The following WSCD2 variants were observed in gnomAD, a reference collection of about 807,000 sequenced individuals.
The protein encoded by WSCD2 is WSC domain sialate O sulfotransferase 2.
WSCD2 carries 28 observed loss-of-function variants against 55.7 expected under a neutral mutation model. That is an observed-to-expected ratio of 0.50 (90% CI 0.37 to 0.69). WSCD2 has a LOEUF of 0.69. Ranked by LOEUF, WSCD2 falls within the 30% of genes least tolerant of loss-of-function variation. The pLI is 0.00. For synonymous variants in WSCD2, 301 were observed against 301.9 expected, an observed-to-expected ratio of 1.00 and a Z score of 0.03; for missense variants, 616 against 762.1, an observed-to-expected ratio of 0.81 and a Z score of 2.26.
At chr12:108,135,137 C>T (rs999688886) in intron 1 of WSCD2, among the ~76,000 whole-genome samples, 4 of 151,944 alleles carry the variant, frequency 2.6e-5, no homozygotes, top group African/African-American at 4.9e-5. Flanking sequence ...TCCATCCGTC[C>T]GTCCATCCGT....
intron 1 of WSCD2, among the ~76,000 whole-genome samples, chr12:108,147,906 C>T (rs1357992029): frequency 6.6e-6 from 1 of 152,060 alleles, no homozygotes; most frequent in Admixed American, 6.5e-5. Flanking sequence ...CTCTTTCTCT[C>T]CTACCCTACA....
intron 1 of WSCD2, among the ~76,000 whole-genome samples, chr12:108,171,300 G>A (rs17040265): frequency 0.06 from 8,839 of 148,046 alleles, 823 homozygotes; most frequent in African/African-American, 0.2. Flanking sequence ...AGGACAGTAA[G>A]TTTTCCAGGG....
chr12:108,209,537 C>T (rs757220017), intron 3 of WSCD2, among the ~76,000 whole-genome samples: 12 of 151,990 alleles, frequency 7.9e-5, no homozygotes, highest in South Asian at 4.1e-4. Context: ...TGAATATGGA[C>T]ATGGTGTGTC....
intron 4 of WSCD2, 54 bp from the exon 5 acceptor site, chr12:108,224,685 A>C (rs1225423611): frequency 4.4e-6 from 7 of 1,573,982 alleles, no homozygotes; most frequent in Non-Finnish European, 6.0e-6. Flanking sequence ...GGTTTTCCCA[A>C]CCAGATCTGA....
chr12:108,143,990 T>C (rs1877131298), intron 1 of WSCD2, among the ~76,000 whole-genome samples: 1 of 151,898 alleles, frequency 6.6e-6, no homozygotes, highest in African/African-American at 2.4e-5. Context: ...GGGCACAGCT[T>C]CTCCCAGCCC....
rs1431489520 is a variant in WSCD2, at chr12:108,196,102, A to T, written c.270A>T (p.Gly90=). 2 of 1,613,860 alleles carry T rather than the reference A, an allele frequency of 1.2e-6. No individual in the cohort carries two copies. Among genetic ancestry groups the T allele is most frequent in the Non-Finnish European group, 1.7e-6 (2 of 1,179,982 alleles). Residue 90 remains glycine (G), a synonymous_variant, in exon 2 of 9, where the codon GGA becomes GGT. Transcript: ENST00000547525. ...CCTCAAGCATTGCTCGCAGGTACGG[A>T]CCCTGGTTCAAGGGCAAGGATGGGA... ...GEASSIARRY[G]PWFKGKDGNE...
At position 108,232,125 on chromosome 12, in the gene WSCD2, CTG is replaced by C. The variant is rs1167248929; in HGVS notation, c.980-603_980-602del. 2.0e-5 allele frequency among the ~76,000 whole-genome samples: 3 copies of C among 152,256 alleles called. No individual in the cohort carries two copies. The East Asian group carries it at 5.8e-4, about 29-fold the overall frequency. ...TGTGGTGGAGTGGATTAGAATGAGC[CTG>C]TGAGTTTGCAAAGGCCAACCATGTG... On this transcript the variant is annotated intron_variant, in intron 6 of 8. Transcript: ENST00000547525.
rs766810007 is a variant in WSCD2 at position 108,248,982 on chromosome 12, G to GC, written c.*645dup. ...CCATGTGGGGCCATTGGTGTTATGA[G>GC]CCCCCCAGGCCACACTGCTTCTCAG... On this transcript the variant is annotated 3_prime_UTR_variant, in exon 9 of 9. Transcript: ENST00000547525. The surrounding 1 kb of genome is among the most constrained non-coding windows in gnomAD (Gnocchi z 4.3). The GC allele has an allele frequency of 1.1e-3, 958 of 910,578 alleles. 3 individuals carry two copies. Among genetic ancestry groups the GC allele is most frequent in the Middle Eastern group, 6.8e-3 (12 of 1,768 alleles). The allele number at this position is 910,578 out of a possible 1,614,324, so 56.4% of individuals were successfully genotyped here.
intron 1 of WSCD2, among the ~76,000 whole-genome samples, chr12:108,140,009 G>A (rs1200231324): frequency 6.6e-6 from 1 of 152,162 alleles, no homozygotes; most frequent in East Asian, 1.9e-4. Context: ...GAGAGGGTGA[G>A]CTGATGTGTC....
intron 1 of WSCD2, among the ~76,000 whole-genome samples, chr12:108,174,566 G>A (rs1565933873): frequency 6.6e-6 from 1 of 152,170 alleles, no homozygotes; most frequent in Non-Finnish European, 1.5e-5. Context: ...CATGCCTATT[G>A]CCAGGGTTTG....
chr12:108,242,749 T>C (rs1301821276), intron 8 of WSCD2, among the ~76,000 whole-genome samples: 1 of 152,220 alleles, frequency 6.6e-6, no homozygotes, highest in Admixed American at 6.5e-5. Flanking sequence ...ATGCATTAGC[T>C]ATTCTTCCTG....
At position 108,249,295 on chromosome 12, in the gene WSCD2, G is replaced by T. The variant is rs74450755; in HGVS notation, c.*952G>T. On this transcript the variant is annotated 3_prime_UTR_variant, in exon 9 of 9. Coordinates refer to ENST00000547525, the MANE Select transcript of WSCD2 (RefSeq NM_014653.4). ...GAGACAGCAAGAGTGTTCTTAATCA[G>T]ATGGAACCACACCCAAAATGGACCC... 9,115 of 152,668 alleles carry T rather than the reference G, an allele frequency of 0.06. 399 individuals are homozygous for T. The highest frequency in any genetic ancestry group is 0.12 in the African/African-American group (4,966 of 41,502). The allele number at this position is 152,668 out of a possible 1,614,324, so 9.5% of individuals were successfully genotyped here.
intron 7 of WSCD2, among the ~76,000 whole-genome samples, chr12:108,235,660 C>T (rs751274012): frequency 3.3e-5 from 5 of 152,094 alleles, no homozygotes; most frequent in Non-Finnish European, 7.4e-5. Flanking sequence ...AAAAAGAAAA[C>T]ATAACCCCCC....
intron 1 of WSCD2, among the ~76,000 whole-genome samples, chr12:108,183,616 T>C (rs1381459643): frequency 6.6e-6 from 1 of 152,190 alleles, no homozygotes; most frequent in African/African-American, 2.4e-5. Flanking sequence ...CACTAAAGGC[T>C]TGGGAACCCC....
At chr12:108,226,050 T>C (rs1049643368) in intron 5 of WSCD2, among the ~76,000 whole-genome samples, 12 of 151,962 alleles carry the variant, frequency 7.9e-5, no homozygotes, top group African/African-American at 2.9e-4. Context: ...CCCCTTGGTG[T>C]GATGGTGATA....
At chr12:108,222,708 G>A (rs535926015) in intron 4 of WSCD2, among the ~76,000 whole-genome samples, 24 of 152,212 alleles carry the variant, frequency 1.6e-4, no homozygotes, top group Non-Finnish European at 2.5e-4. Context: ...TGGCCAGGTT[G>A]GTCTTCAACG....
At chr12:108,151,225 G>T (rs1432686529) in intron 1 of WSCD2, among the ~76,000 whole-genome samples, 1 of 152,094 alleles carries the variant, frequency 6.6e-6, no homozygotes, top group East Asian at 1.9e-4. Flanking sequence ...TTCTTTCTGC[G>T]GGTGTTGGGG....
In WSCD2 at chr12:108,247,000, A is replaced by G. The variant is rs147663919; in HGVS notation, c.1346-991A>G. ...GAGCACCTGCTGAACTCAACGTGCC[A>G]TGCTAGAAACTTTGTTATATGTTTT... is the stretch of plus-strand genomic sequence containing the variant. On this transcript the variant is annotated intron_variant, in intron 8 of 8. Coordinates refer to ENST00000547525, the MANE Select transcript of WSCD2 (RefSeq NM_014653.4). Among the ~76,000 whole-genome samples, 620 of 152,338 alleles carry G rather than the reference A, an allele frequency of 4.1e-3. 5 individuals carry two copies. Among genetic ancestry groups the G allele is most frequent in the Non-Finnish European group, 6.3e-3 (429 of 68,034 alleles).
In WSCD2 at chr12:108,240,554, G is replaced by GGGAGA. The variant is rs1555245019; in HGVS notation, c.1345+15_1345+19dup. ...CACTGGAAGGGCAAAGGTACAGCTC[G>GGGAGA]GGAGAGGAGGGGAGGGGAGGGGAGG... On this transcript the variant is annotated intron_variant, in intron 8 of 8. Transcript: ENST00000547525. The GGGAGA allele has an allele frequency of 6.2e-7, 1 of 1,601,114 alleles. No homozygotes were observed. Among genetic ancestry groups the GGGAGA allele is most frequent in the Non-Finnish European group, 8.5e-7 (1 of 1,177,422 alleles).
Sources: allele counts gnomAD v4.1 joint callset (sites outside exome capture counted in the v4.1 genomes callset), GRCh38; gene constraint gnomAD v4.1.1; non-coding constraint Gnocchi (gnomAD v3.1); transcripts MANE v1.5; gene names NCBI Gene and HGNC (gene_info 2026-07-23, HGNC 2026-07-21).